Variants in ABCA13 observed in about 807,000 individuals in gnomAD.
ABCA13 encodes the protein ATP-binding cassette sub-family A member 13.
In ABCA13, 476 loss-of-function variants were observed where a neutral mutation model predicts 478.7. That is an observed-to-expected ratio of 0.99 (90% confidence interval 0.92 to 1.07). The LOEUF is 1.07. ABCA13 is among the 50% of genes least tolerant of loss of function. ABCA13 has a pLI of 0.00. For missense variants in ABCA13, 6,060 were observed against 5,910.6 expected, an observed-to-expected ratio of 1.03 and a Z score of -0.83; for synonymous variants, 2,252 against 2,158.9, an observed-to-expected ratio of 1.04 and a Z score of -1.20.
intron 10 of ABCA13, among the ~76,000 whole-genome samples, chr7:48,242,471 T>G (rs1790997548): frequency 6.6e-6 from 1 of 152,136 alleles, no homozygotes; most frequent in African/African-American, 2.4e-5. Context: ...ACAGTCTTGC[T>G]CTGTTGCCCA....
chr7:48,473,985 C>T (rs1158105833), intron 45 of ABCA13, among the ~76,000 whole-genome samples: 2 of 152,108 alleles, frequency 1.3e-5, no homozygotes, highest in African/African-American at 4.8e-5. Context: ...TCCCTCTTGG[C>T]CCCAGCTGTC....
intron 3 of ABCA13, among the ~76,000 whole-genome samples, chr7:48,205,634 T>C (rs2128930469): frequency 6.6e-6 from 1 of 152,320 alleles, no homozygotes; most frequent in East Asian, 1.9e-4. Flanking sequence ...TTATTGGGAT[T>C]TTTATTGGAG....
At chr7:48,451,526 G>A (rs182060070) in intron 42 of ABCA13, among the ~76,000 whole-genome samples, 1 of 151,960 alleles carries the variant, frequency 6.6e-6, no homozygotes. Flanking sequence ...ATATTGATTA[G>A]TTTAAAAACT....
At chr7:48,328,397 A>G (rs1485623489) in intron 27 of ABCA13, among the ~76,000 whole-genome samples, 4 of 152,222 alleles carry the variant, frequency 2.6e-5, no homozygotes, top group Non-Finnish European at 5.9e-5. Context: ...AAAGTGGCCA[A>G]TATGGAACAT....
At chr7:48,270,890 G>A (rs1299879157) in intron 16 of ABCA13, among the ~76,000 whole-genome samples, 1 of 152,106 alleles carries the variant, frequency 6.6e-6, no homozygotes, top group Non-Finnish European at 1.5e-5. Flanking sequence ...TGAAAATAGA[G>A]GCTTTTCTTA....
intron 42 of ABCA13, among the ~76,000 whole-genome samples, chr7:48,440,151 A>G (rs890638541): frequency 1.8e-4 from 27 of 152,184 alleles, no homozygotes; most frequent in African/African-American, 5.5e-4. Flanking sequence ...CTTATAGTAA[A>G]TGGCACAGAT....
At chr7:48,585,572 C>T (rs1232492608) in intron 56 of ABCA13, among the ~76,000 whole-genome samples, 1 of 152,106 alleles carries the variant, frequency 6.6e-6, no homozygotes, top group African/African-American at 2.4e-5. Context: ...TAATGATTAT[C>T]CTAATATTTG....
chr7:48,298,009 C>A (rs1799644067), intron 22 of ABCA13, among the ~76,000 whole-genome samples: 1 of 150,158 alleles, frequency 6.7e-6, no homozygotes, highest in African/African-American at 2.5e-5. Context: ...TGGTCTCGAA[C>A]TCCTGACCTT....
intron 38 of ABCA13, among the ~76,000 whole-genome samples, chr7:48,400,973 G>T (rs750935041): frequency 2.6e-5 from 4 of 152,242 alleles, no homozygotes; most frequent in African/African-American, 9.6e-5. Flanking sequence ...CAGTCCATGT[G>T]GGGGGTGAGA....
intron 42 of ABCA13, among the ~76,000 whole-genome samples, chr7:48,445,682 G>A (rs1186837008): frequency 6.6e-6 from 1 of 152,046 alleles, no homozygotes; most frequent in Non-Finnish European, 1.5e-5. Context: ...CCCCTCTTAT[G>A]CTTCACAGAA....
intron 48 of ABCA13, among the ~76,000 whole-genome samples, chr7:48,503,834 A>G (rs191930053): frequency 1.3e-5 from 2 of 152,306 alleles, no homozygotes; most frequent in South Asian, 2.1e-4. Context: ...TTGCTGGAGC[A>G]TATGGTAGAT....
chr7:48,576,484 CTG>C (rs1208086202), intron 55 of ABCA13, among the ~76,000 whole-genome samples: 1 of 152,146 alleles, frequency 6.6e-6, no homozygotes, highest in African/African-American at 2.4e-5. Context: ...GCCCAGACCT[CTG>C]TAAGCATTAG....
chr7:48,475,204 G>A (rs779264571), intron 45 of ABCA13, among the ~76,000 whole-genome samples: 3 of 152,118 alleles, frequency 2.0e-5, no homozygotes, highest in Non-Finnish European at 4.4e-5. Flanking sequence ...GAGAACCTCA[G>A]GAGACAGGGA....
chr7:48,620,010 G>C (rs1792978362), intron 59 of ABCA13, among the ~76,000 whole-genome samples: 1 of 152,144 alleles, frequency 6.6e-6, no homozygotes, highest in Non-Finnish European at 1.5e-5. Context: ...TGTTCTTACA[G>C]GAAGGACAGG....
chr7:48,204,883 G>A (rs1203248364), intron 3 of ABCA13, among the ~76,000 whole-genome samples: 2 of 152,174 alleles, frequency 1.3e-5, no homozygotes, highest in African/African-American at 2.4e-5. Flanking sequence ...TGGCCCAGGA[G>A]GGGTGAGTGA....
intron 55 of ABCA13, among the ~76,000 whole-genome samples, chr7:48,538,099 C>CTTTTTTTTTTTTTTTTT (rs1563409461): frequency 8.3e-6 from 1 of 120,010 alleles, no homozygotes; most frequent in African/African-American, 3.3e-5. Flanking sequence ...TTCTTTCTTT[C>CTTTTTTTTTTTTTTTTT]CTTTTTTTTT....
chr7:48,375,342 T>C (rs1368653), intron 34 of ABCA13, among the ~76,000 whole-genome samples: 36,808 of 151,936 alleles, frequency 0.24, 4,996 homozygotes, highest in African/African-American at 0.37. Context: ...TTTCTAGTTC[T>C]TCCTTTCTAA....
chr7:48,329,717 C>T (rs1204894411), intron 27 of ABCA13, among the ~76,000 whole-genome samples: 6 of 152,098 alleles, frequency 3.9e-5, no homozygotes, highest in African/African-American at 1.4e-4. Flanking sequence ...ATCCAACCAT[C>T]CATCCATCCA....
intron 27 of ABCA13, among the ~76,000 whole-genome samples, chr7:48,332,325 T>C (rs899040190): frequency 2.6e-5 from 4 of 152,372 alleles, no homozygotes; most frequent in Middle Eastern, 3.4e-3. Flanking sequence ...TTTTGCATGA[T>C]GTTCTTACAA....
Sources: allele counts gnomAD v4.1 joint callset (sites outside exome capture counted in the v4.1 genomes callset), GRCh38; gene constraint gnomAD v4.1.1; transcripts MANE v1.5; gene names NCBI Gene and HGNC (gene_info 2026-07-23, HGNC 2026-07-21).